Variants in RGS6 observed in about 807,000 individuals in gnomAD.
RGS6 encodes the protein regulator of G protein signaling 6.
A neutral mutation model predicts 78.5 loss-of-function variants in RGS6; 30 were observed. The ratio of observed to expected loss-of-function variants is 0.38; its 90% confidence interval spans 0.29 to 0.52. RGS6 has a LOEUF of 0.52. Among genes scored for constraint, RGS6 ranks in the 20% least tolerant of loss-of-function variants. The probability of loss-of-function intolerance (pLI) is 0.85; values close to 1 mark genes in which losing one functional copy is unlikely to be tolerated. For synonymous variants in RGS6, 206 were observed against 206.0 expected (o/e 1.00, Z 0.00); for missense variants, 495 against 609.7 (o/e 0.81, Z 1.98).
chr14:71,918,568 T>C, the RGS6 span, among the ~76,000 whole-genome samples: 1 of 152,260 alleles, frequency 6.6e-6, no homozygotes, highest in East Asian at 1.9e-4. Context: ...AGGAAAGAGA[T>C]GCAAACAGAG....
chr14:72,092,400 AG>A (rs2095296409), intron 2 of RGS6, among the ~76,000 whole-genome samples: 1 of 151,894 alleles, frequency 6.6e-6, no homozygotes, highest in Non-Finnish European at 1.5e-5. Flanking sequence ...TATGTTGCCC[AG>A]GCTGGTCTCT....
At chr14:72,255,995 A>G (rs1353622340) in intron 2 of RGS6, among the ~76,000 whole-genome samples, 6 of 152,220 alleles carry the variant, frequency 3.9e-5, no homozygotes, top group Non-Finnish European at 5.9e-5. Flanking sequence ...TTTTAAATTT[A>G]AATAATGAAC....
chr14:71,888,162 G>C, the RGS6 span, among the ~76,000 whole-genome samples: 1 of 152,172 alleles, frequency 6.6e-6, no homozygotes, highest in East Asian at 1.9e-4. Context: ...AGAATCACTT[G>C]AAACTGGAAG....
intron 2 of RGS6, among the ~76,000 whole-genome samples, chr14:72,203,535 GTGGTTGTTGGCTGGCCTCAAATCCGTCA>G (rs983781043): frequency 2.6e-5 from 4 of 152,188 alleles, no homozygotes; most frequent in African/African-American, 9.7e-5. Flanking sequence ...GCTCACACAT[GTGGTTGTTGGCTGGCCTCAAATCCGTCA>G]TGGCTGTTGG....
At chr14:71,936,370 C>A (rs2089381977) in intron 1 of RGS6, among the ~76,000 whole-genome samples, 1 of 151,956 alleles carries the variant, frequency 6.6e-6, no homozygotes, top group South Asian at 2.1e-4. Context: ...TTAGGTTGTG[C>A]CCACCAGATT....
At chr14:72,554,048 C>T (rs1236568392) in intron 17 of RGS6, among the ~76,000 whole-genome samples, 1 of 152,214 alleles carries the variant, frequency 6.6e-6, no homozygotes, top group African/African-American at 2.4e-5. Flanking sequence ...GTACTTCCTC[C>T]GGTTAGGAAT....
At chr14:71,901,200 T>C in the RGS6 span, among the ~76,000 whole-genome samples, 3 of 152,194 alleles carry the variant, frequency 2.0e-5, no homozygotes, top group Non-Finnish European at 2.9e-5. Context: ...CTATGGTCCA[T>C]AGGTTTCTAA....
chr14:72,360,396 C>T (rs1340145939), intron 3 of RGS6, among the ~76,000 whole-genome samples: 2 of 151,834 alleles, frequency 1.3e-5, no homozygotes, highest in Admixed American at 6.6e-5. Context: ...GTGGCGGGCA[C>T]CTGTAGTCCC....
chr14:72,151,173 T>C (rs1246143501), intron 2 of RGS6, among the ~76,000 whole-genome samples: 1 of 152,196 alleles, frequency 6.6e-6, no homozygotes, highest in Non-Finnish European at 1.5e-5. Context: ...ATTCAATGTA[T>C]GAGGTGTTGC....
chr14:72,612,819 T>C, the RGS6 span, among the ~76,000 whole-genome samples: 45 of 152,304 alleles, frequency 3.0e-4, no homozygotes, highest in Non-Finnish European at 6.2e-4. Flanking sequence ...GCGGAGCCAG[T>C]AGCTTTCCAA....
chr14:72,372,786 T>C (rs2083777202), intron 3 of RGS6, among the ~76,000 whole-genome samples: 1 of 152,248 alleles, frequency 6.6e-6, no homozygotes, highest in Non-Finnish European at 1.5e-5. Context: ...TTCTCACTGA[T>C]TGGATTCTTG....
intron 2 of RGS6, among the ~76,000 whole-genome samples, chr14:72,052,969 C>T (rs1029905081): frequency 8.3e-5 from 4 of 48,088 alleles, no homozygotes; most frequent in African/African-American, 1.2e-4. Context: ...TTCTTTCTTT[C>T]TTTCTTTCTT....
intron 3 of RGS6, among the ~76,000 whole-genome samples, chr14:72,420,275 C>T (rs2094103254): frequency 6.6e-6 from 1 of 152,190 alleles, no homozygotes; most frequent in Non-Finnish European, 1.5e-5. Flanking sequence ...TCCAAAATTA[C>T]ATATTTGAAG....
intron 1 of RGS6, among the ~76,000 whole-genome samples, chr14:71,940,962 G>A (rs935233831): frequency 6.6e-6 from 1 of 152,150 alleles, no homozygotes; most frequent in Non-Finnish European, 1.5e-5. Flanking sequence ...CTCACAGTGG[G>A]CCGCCTTTAA....
At chr14:72,213,064 A>T (rs1249638301) in intron 2 of RGS6, among the ~76,000 whole-genome samples, 1 of 152,216 alleles carries the variant, frequency 6.6e-6, no homozygotes, top group Non-Finnish European at 1.5e-5. Context: ...TAATGAGACC[A>T]GCATTCCCCT....
At chr14:72,538,706 CG>C (rs2097281945) in intron 16 of RGS6, among the ~76,000 whole-genome samples, 1 of 152,210 alleles carries the variant, frequency 6.6e-6, no homozygotes, top group Non-Finnish European at 1.5e-5. Flanking sequence ...GTATGGTACC[CG>C]GGGCCAAGCA....
intron 2 of RGS6, among the ~76,000 whole-genome samples, chr14:71,966,098 G>C (rs1235416798): frequency 1.3e-5 from 2 of 151,688 alleles, no homozygotes; most frequent in African/African-American, 4.9e-5. Flanking sequence ...TTTGATGTTT[G>C]CATGTTTGTG....
the RGS6 span, among the ~76,000 whole-genome samples, chr14:71,907,320 A>G: frequency 3.3e-5 from 5 of 152,208 alleles, no homozygotes; most frequent in Non-Finnish European, 5.9e-5. Context: ...GCTTTCCTGA[A>G]AAAGTGATTA....
intron 2 of RGS6, among the ~76,000 whole-genome samples, chr14:72,025,040 C>G (rs964175099): frequency 6.6e-6 from 1 of 152,072 alleles, no homozygotes; most frequent in South Asian, 2.1e-4. Context: ...GAGCTAGGGA[C>G]AGAGAGGCTG....
Sources: allele counts gnomAD v4.1 joint callset (sites outside exome capture counted in the v4.1 genomes callset), GRCh38; gene constraint gnomAD v4.1.1; transcripts MANE v1.5; gene names NCBI Gene and HGNC (gene_info 2026-07-23, HGNC 2026-07-21).